The following PDHX variants were observed in gnomAD, a reference collection of about 807,000 sequenced individuals.
The protein encoded by PDHX is pyruvate dehydrogenase complex component X.
Under a neutral mutation model 55.3 loss-of-function variants are expected in PDHX, and 33 were observed. That is an observed-to-expected ratio of 0.60 (90% CI 0.45 to 0.80). The LOEUF is 0.80. Ranked by LOEUF, PDHX falls within the 30% of genes least tolerant of loss-of-function variation. PDHX has a pLI of 0.00. For missense variants in PDHX, 622 were observed against 619.9 expected, an observed-to-expected ratio of 1.00 and a Z score of -0.04; for synonymous variants, 226 against 219.4, an observed-to-expected ratio of 1.03 and a Z score of -0.27.
intron 6 of PDHX, among the ~76,000 whole-genome samples, chr11:34,967,835 C>T (rs1300921058): frequency 6.6e-6 from 1 of 152,182 alleles, no homozygotes; most frequent in Non-Finnish European, 1.5e-5. Flanking sequence ...GATTAATATA[C>T]TGCATACTTG....
At chr11:34,928,061 A>T (rs1394604559) in intron 1 of PDHX, among the ~76,000 whole-genome samples, 4 of 152,154 alleles carry the variant, frequency 2.6e-5, no homozygotes, top group African/African-American at 9.7e-5. Context: ...TATAGTCCTT[A>T]ATGTCAAGAG....
intron 5 of PDHX, 47 bp from the exon 6 acceptor site, chr11:34,966,593 T>C (rs772170991): frequency 6.4e-6 from 10 of 1,570,374 alleles, no homozygotes; most frequent in Admixed American, 1.7e-5. Flanking sequence ...AGTTCTGTTA[T>C]ATTCCTTATT....
chr11:34,916,325 G>A (rs762622673), upstream of PDHX: 5 of 1,606,744 alleles, frequency 3.1e-6, no homozygotes, highest in African/African-American at 1.3e-5. Flanking sequence ...ATCTCCGCAC[G>A]GCTTTGCGCG....
intron 2 of PDHX, among the ~76,000 whole-genome samples, chr11:34,943,868 T>C (rs1001192324): frequency 7.9e-5 from 12 of 152,166 alleles, no homozygotes; most frequent in African/African-American, 2.9e-4. Flanking sequence ...TTACAAAAAC[T>C]GAATTAGATG....
In PDHX at chr11:34,949,948, A is replaced by AT. The variant is rs539278394; in HGVS notation, c.342+2350dup. Reference sequence around the variant, plus strand: ...ATAGCATCCATGGATATTAAAACAAATTTTTTTTAAAAAAATGGTTTTTTA... The same window carrying AT: ...ATAGCATCCATGGATATTAAAACAAATTTTTTTTTAAAAAAATGGTTTTTTA... On this transcript the variant is annotated intron_variant, in intron 3 of 10. Coordinates refer to ENST00000227868, the MANE Select transcript of PDHX (RefSeq NM_003477.3). 5.2e-4 allele frequency among the ~76,000 whole-genome samples: 79 copies of AT among 152,174 alleles called. 1 individual carries two copies. Among genetic ancestry groups the AT allele is most frequent in the African/African-American group, 1.7e-3 (69 of 41,542 alleles).
chr11:34,973,862 T>C (rs1237308096), intron 7 of PDHX, among the ~76,000 whole-genome samples: 3 of 142,792 alleles, frequency 2.1e-5, no homozygotes, highest in Non-Finnish European at 3.1e-5. Context: ...TTTCTTTGTA[T>C]AGAATTAAAG....
At chr11:34,950,172 C>T (rs1350491053) in intron 3 of PDHX, among the ~76,000 whole-genome samples, 2 of 151,836 alleles carry the variant, frequency 1.3e-5, no homozygotes, top group East Asian at 3.9e-4. Context: ...CAATCCCATT[C>T]AAAGTTGCCT....
intron 4 of PDHX, among the ~76,000 whole-genome samples, chr11:34,959,404 A>AC (rs1854974079): frequency 3.7e-5 from 1 of 27,154 alleles, no homozygotes; most frequent in Non-Finnish European, 1.7e-4. Flanking sequence ...CTAGTATCAA[A>AC]ACAAACAAAC....
At chr11:34,967,548 T>C (rs924056280) in intron 6 of PDHX, among the ~76,000 whole-genome samples, 6 of 152,210 alleles carry the variant, frequency 3.9e-5, no homozygotes, top group Admixed American at 1.3e-4. Context: ...ACTATGTAGC[T>C]AGTCATTCTT....
chr11:34,933,546 A>C (rs1854228238), intron 2 of PDHX, among the ~76,000 whole-genome samples: 1 of 152,218 alleles, frequency 6.6e-6, no homozygotes, highest in Non-Finnish European at 1.5e-5. Flanking sequence ...AAAAGTTTCT[A>C]AGGTTAGGAA....
chr11:34,942,503 G>T (rs956893425), intron 2 of PDHX, among the ~76,000 whole-genome samples: 1 of 152,116 alleles, frequency 6.6e-6, no homozygotes, highest in African/African-American at 2.4e-5. Flanking sequence ...TCAGAGCTTG[G>T]AATCAAACTC....
intron 8 of PDHX, among the ~76,000 whole-genome samples, chr11:34,983,221 C>T (rs185771148): frequency 8.5e-5 from 13 of 152,252 alleles, no homozygotes; most frequent in African/African-American, 3.1e-4. Context: ...CAAAATTCAA[C>T]AACACTTCAT....
intron 8 of PDHX, among the ~76,000 whole-genome samples, chr11:34,978,887 G>C (rs1855441675): frequency 6.6e-6 from 1 of 152,128 alleles, no homozygotes; most frequent in Non-Finnish European, 1.5e-5. Context: ...GGAGGGTTTT[G>C]AACAAATAAC....
In PDHX at chr11:34,984,720, T is replaced by C; in HGVS notation, c.1174T>C (p.Ser392Pro). 4 of 1,613,882 alleles carry C rather than the reference T, an allele frequency of 2.5e-6. No homozygotes were observed. Among genetic ancestry groups the C allele is most frequent in the Non-Finnish European group, 3.4e-6 (4 of 1,179,762 alleles). ...AAKGIQEIAD[S>P]VKALSKKARD... The stretch of plus-strand genomic sequence containing the variant: ...TAAAGGTATCCAGGAAATTGCTGAC[T>C]CTGTAAAGGTATGTCTTAAGAAAGA... The change falls in exon 9 of 11, where the codon TCT (serine) becomes CCT (proline). Residue 392 changes from serine (S) to proline (P), a missense_variant. By Grantham distance (74) the Ser-to-Pro change is moderately conservative (BLOSUM62 -1). Coordinates refer to ENST00000227868, the MANE Select transcript of PDHX (RefSeq NM_003477.3).
intron 1 of PDHX, among the ~76,000 whole-genome samples, chr11:34,923,603 G>A (rs1853948543): frequency 6.7e-6 from 1 of 149,976 alleles, no homozygotes; most frequent in Non-Finnish European, 1.5e-5. Flanking sequence ...AGTAATACTA[G>A]TACAGATTTT....
At chr11:34,964,420 A>G (rs1463485177) in intron 5 of PDHX, among the ~76,000 whole-genome samples, 1 of 152,142 alleles carries the variant, frequency 6.6e-6, no homozygotes, top group Non-Finnish European at 1.5e-5. Context: ...TCTGGCCAAC[A>G]TGGTAAAACC....
intron 2 of PDHX, among the ~76,000 whole-genome samples, chr11:34,941,434 A>C (rs1472760084): frequency 1.3e-5 from 2 of 152,230 alleles, no homozygotes; most frequent in Non-Finnish European, 2.9e-5. Flanking sequence ...AGTGTCATTC[A>C]CATGGGCAGC....
chr11:34,982,403 G>A (rs770900645), intron 8 of PDHX, among the ~76,000 whole-genome samples: 3 of 151,934 alleles, frequency 2.0e-5, no homozygotes, highest in Non-Finnish European at 4.4e-5. Flanking sequence ...CTAGCAGAAG[G>A]CAAGAAATAA....
intron 7 of PDHX, among the ~76,000 whole-genome samples, chr11:34,974,860 A>G (rs1001031901): frequency 1.3e-5 from 2 of 152,166 alleles, no homozygotes; most frequent in Non-Finnish European, 2.9e-5. Context: ...GTGAGCTATA[A>G]TTGCACCACT....
Sources: allele counts gnomAD v4.1 joint callset (sites outside exome capture counted in the v4.1 genomes callset), GRCh38; gene constraint gnomAD v4.1.1; transcripts MANE v1.5; gene names NCBI Gene and HGNC (gene_info 2026-07-23, HGNC 2026-07-21).